The following ARHGAP18 variants were observed in gnomAD, a reference collection of about 807,000 sequenced individuals.
ARHGAP18 encodes Rho GTPase activating protein 18, also known as rho GTPase-activating protein 18.
A neutral mutation model predicts 86.2 loss-of-function variants in ARHGAP18; 67 were observed. The ratio of observed to expected loss-of-function variants is 0.78; its 90% CI spans 0.64 to 0.95. The LOEUF is 0.95. Ranked by LOEUF, ARHGAP18 falls within the 40% of genes least tolerant of loss-of-function variation. ARHGAP18 has a pLI of 0.00. For synonymous variants in ARHGAP18, 283 were observed against 280.4 expected, an observed-to-expected ratio of 1.01 and a Z score of -0.09; for missense variants, 691 against 780.4, an observed-to-expected ratio of 0.89 and a Z score of 1.37.
At position 129,638,572 on chromosome 6, in the gene ARHGAP18, T is replaced by G; in HGVS notation, c.374A>C (p.Glu125Ala). 6.2e-7 allele frequency: 1 copy of G among 1,614,192 alleles called. No individual in the cohort carries two copies. Among genetic ancestry groups the G allele is most frequent in the South Asian group, 1.1e-5 (1 of 91,074 alleles). ...GCTTTCCTGTGGATCTCCAGCAGAC[T>G]CTCCGAAGAGATTGGATAAACCGGC... ...KEAGLSNLFG[E>A]SAGDPQESIV... is the part of the protein sequence containing the mutation. The change falls in exon 3 of 15, where the codon GAG becomes GCG. Residue 125 changes from glutamate (E) to alanine (A), a missense_variant. Transcript: ENST00000368149.
Position 129,605,910 on chromosome 6 carries a change from G to A in ARHGAP18, c.1332C>T (p.Ile444=). ...TGTCCCTGTTTGCATCAGGTAGGAG[G>A]ATGACAAGAAGGTTCAAAGCCTGTA... ...QQLQALNLLV[I]LLPDANRDTL... Residue 444 remains isoleucine, a synonymous_variant, in exon 10 of 15, where the codon ATC becomes ATT. Coordinates refer to ENST00000368149, the MANE Select transcript of ARHGAP18 (RefSeq NM_033515.3). 1 of 1,613,588 alleles carries A rather than the reference G, an allele frequency of 6.2e-7. No homozygotes were observed.
intron 1 of ARHGAP18, among the ~76,000 whole-genome samples, chr6:129,705,337 G>A (rs1467250954): frequency 6.6e-6 from 1 of 152,180 alleles, no homozygotes; most frequent in Non-Finnish European, 1.5e-5. Flanking sequence ...TTAAAGCAGA[G>A]GAAGGAAGCA....
intron 1 of ARHGAP18, among the ~76,000 whole-genome samples, chr6:129,708,281 G>A (rs763266033): frequency 2.0e-5 from 3 of 152,150 alleles, no homozygotes; most frequent in South Asian, 2.1e-4. Context: ...GGCAGGCTAC[G>A]TGACAGCCAG....
rs73776345 is a variant in ARHGAP18 at position 129,635,835 on chromosome 6, T to C, written c.553-1730A>G. 7.9e-3 allele frequency among the ~76,000 whole-genome samples: 1,204 copies of C among 152,284 alleles called. 13 individuals carry two copies. Among genetic ancestry groups the C allele is most frequent in the African/African-American group, 0.028 (1,169 of 41,556 alleles). On this transcript the variant is annotated intron_variant, in intron 3 of 14. Coordinates refer to ENST00000368149, the MANE Select transcript of ARHGAP18 (RefSeq NM_033515.3). ...GCAAGTTAACATTATTTTAATTTCC[T>C]TTTGCTAGTTCTCTCTTAATGACTC...
At chr6:129,699,914 C>T (rs1290330587) in intron 1 of ARHGAP18, among the ~76,000 whole-genome samples, 1 of 151,854 alleles carries the variant, frequency 6.6e-6, no homozygotes, top group Non-Finnish European at 1.5e-5. Flanking sequence ...TAGCCTACAG[C>T]CTGGAGCATG....
intron 4 of ARHGAP18, among the ~76,000 whole-genome samples, chr6:129,633,153 C>T (rs1208194189): frequency 6.6e-6 from 1 of 151,936 alleles, no homozygotes; most frequent in Non-Finnish European, 1.5e-5. Context: ...TTTGGCTGGG[C>T]ATGGTGGCTC....
intron 10 of ARHGAP18, among the ~76,000 whole-genome samples, chr6:129,602,964 T>C (rs9388714): frequency 0.13 from 19,222 of 150,202 alleles, 1,330 homozygotes; most frequent in Admixed American, 0.18. Context: ...GAATTTTCTA[T>C]CTGAACCTTC....
At chr6:129,600,113 G>C (rs1788708050) in intron 11 of ARHGAP18, among the ~76,000 whole-genome samples, 4 of 152,066 alleles carry the variant, frequency 2.6e-5, no homozygotes, top group Admixed American at 2.6e-4. Flanking sequence ...TTATAATTTT[G>C]CTTGGAATTC....
intron 1 of ARHGAP18, among the ~76,000 whole-genome samples, chr6:129,654,702 C>A (rs963929066): frequency 2.0e-5 from 3 of 152,202 alleles, no homozygotes; most frequent in Non-Finnish European, 2.9e-5. Context: ...CAAGGACTTC[C>A]GCCTCTAGTC....
chr6:129,648,129 A>G (rs960823733), intron 1 of ARHGAP18, among the ~76,000 whole-genome samples: 2 of 152,188 alleles, frequency 1.3e-5, no homozygotes, highest in African/African-American at 2.4e-5. Flanking sequence ...TTTTTTAAAA[A>G]GGATGAGAAT....
chr6:129,649,424 C>T (rs1052761571), intron 1 of ARHGAP18, among the ~76,000 whole-genome samples: 2 of 151,804 alleles, frequency 1.3e-5, no homozygotes, highest in African/African-American at 4.8e-5. Context: ...TGTAGTGGCG[C>T]ACGCCTGTAG....
At chr6:129,592,374 C>T (rs1001267071) in intron 12 of ARHGAP18, among the ~76,000 whole-genome samples, 2 of 152,190 alleles carry the variant, frequency 1.3e-5, no homozygotes, top group Non-Finnish European at 1.5e-5. Context: ...GCATCTACAC[C>T]GCACTGCTGC....
chr6:129,636,181 G>A (rs1773330732), intron 3 of ARHGAP18, among the ~76,000 whole-genome samples: 2 of 152,156 alleles, frequency 1.3e-5, no homozygotes, highest in African/African-American at 4.8e-5. Flanking sequence ...ATAACCACTG[G>A]GTGGTAAGCA....
chr6:129,658,981 T>A (rs1313277558), intron 1 of ARHGAP18, among the ~76,000 whole-genome samples: 1 of 152,250 alleles, frequency 6.6e-6, no homozygotes, highest in Non-Finnish European at 1.5e-5. Flanking sequence ...AATTTTTTTT[T>A]AGTAACTACA....
In ARHGAP18 at chr6:129,698,691, G is replaced by GTT. The variant is rs34995244; in HGVS notation, c.113+11331_113+11332dup. On this transcript the variant is annotated intron_variant, in intron 1 of 14. Coordinates refer to ENST00000368149, the MANE Select transcript of ARHGAP18 (RefSeq NM_033515.3). ...CGAGTAGCGTGTACCACCACGCCCA[G>GTT]TTTTTTTTTTTTTTTTTTTTGAGAC... Among the ~76,000 whole-genome samples the GTT allele has an allele frequency of 3.5e-3, 310 of 89,654 alleles. 5 individuals carry two copies. The highest frequency in any genetic ancestry group is 0.013 in the African/African-American group (304 of 22,654). 58.8% of individuals were successfully genotyped at this position (89,654 alleles called of 152,430 possible).
chr6:129,698,361 T>C (rs1774655987), intron 1 of ARHGAP18, among the ~76,000 whole-genome samples: 1 of 152,188 alleles, frequency 6.6e-6, no homozygotes, highest in South Asian at 2.1e-4. Context: ...TGCTGTTCAA[T>C]CAATAATTCC....
intron 12 of ARHGAP18, among the ~76,000 whole-genome samples, chr6:129,585,545 A>C (rs1046528978): frequency 2.0e-5 from 3 of 152,202 alleles, no homozygotes; most frequent in Admixed American, 1.3e-4. Flanking sequence ...CACAGACTGC[A>C]AACAACAGCT....
intron 1 of ARHGAP18, among the ~76,000 whole-genome samples, chr6:129,665,604 C>T (rs1467399788): frequency 6.6e-6 from 1 of 152,078 alleles, no homozygotes; most frequent in African/African-American, 2.4e-5. Context: ...CAAGTCTTGC[C>T]TCCACTATGT....
chr6:129,609,355 A>G (rs1167408969), intron 8 of ARHGAP18, among the ~76,000 whole-genome samples: 1 of 152,204 alleles, frequency 6.6e-6, no homozygotes, highest in Middle Eastern at 3.2e-3. Flanking sequence ...AATCCACTTA[A>G]TTGGCCTTCT....
Sources: gnomAD v4.1 joint callset for allele counts (sites outside exome capture counted in the v4.1 genomes callset) on GRCh38, gnomAD v4.1.1 for gene constraint, MANE v1.5 for transcripts, NCBI Gene and HGNC (gene_info 2026-07-23, HGNC 2026-07-21) for gene names.